CACNA2D3: variants seen among roughly 807,000 people sequenced by gnomAD.
CACNA2D3 encodes the protein voltage-dependent calcium channel subunit alpha-2/delta-3.
Under a neutral mutation model 160.6 loss-of-function variants are expected in CACNA2D3, and 60 were observed. The observed-to-expected ratio is 0.37, with a 90% CI of 0.30 to 0.46. The LOEUF (loss-of-function observed/expected upper bound fraction) is 0.46. Among genes scored for constraint, CACNA2D3 ranks in the 20% least tolerant of loss-of-function variants. The probability of loss-of-function intolerance (pLI) is 1.00; values close to 1 mark genes in which losing one functional copy is unlikely to be tolerated. For synonymous variants in CACNA2D3, 558 were observed against 492.9 expected (o/e 1.13, Z -1.75); for missense variants, 1,205 against 1,365.0 (o/e 0.88, Z 1.85).
chr3:54,326,842 A>G (rs1704130440), intron 3 of CACNA2D3, among the ~76,000 whole-genome samples: 1 of 152,196 alleles, frequency 6.6e-6, no homozygotes, highest in Non-Finnish European at 1.5e-5. Context: ...TTGAAAGAGC[A>G]GTACATTTGT....
chr3:54,663,207 A>C (rs1559542865), intron 11 of CACNA2D3, among the ~76,000 whole-genome samples: 1 of 152,150 alleles, frequency 6.6e-6, no homozygotes, highest in Non-Finnish European at 1.5e-5. Context: ...GTTTTCAATG[A>C]CTTAGTTGTA....
At position 54,227,569 on chromosome 3, in the gene CACNA2D3, C is replaced by CG. The variant is rs1319263275; in HGVS notation, c.205-92866dup. ...GTCCATGGCTTTTTTGGGGAGGGGG[C>CG]GGGGGGGCAGAGTCTCGCTCTGTCG... On this transcript the variant is annotated intron_variant, in intron 2 of 37. Coordinates refer to ENST00000474759, the MANE Select transcript of CACNA2D3 (RefSeq NM_018398.3). Among the ~76,000 whole-genome samples, 6 of 92,050 alleles carry CG rather than the reference C, an allele frequency of 6.5e-5. No individual in the cohort carries two copies. In the South Asian group the frequency reaches 1.2e-3, roughly 19 times the overall value. The allele number at this position is 92,050 out of a possible 152,430, so 60.4% of individuals were successfully genotyped here.
At chr3:54,742,661 G>A (rs1701677103) in intron 11 of CACNA2D3, among the ~76,000 whole-genome samples, 1 of 152,080 alleles carries the variant, frequency 6.6e-6, no homozygotes. Flanking sequence ...GCTTGGAATA[G>A]CAACCATCAC....
rs1347501903 is a variant in CACNA2D3, at chr3:54,311,086, C to T, written c.205-9356C>T. ...CCCTGGCCAGTAATTCTAAGCCAAG[C>T]GGGATGCTGCTATCAGGCTTCGAGT... On this transcript the variant is annotated intron_variant, in intron 2 of 37. Coordinates refer to ENST00000474759, the MANE Select transcript of CACNA2D3 (RefSeq NM_018398.3). Among the ~76,000 whole-genome samples the T allele has an allele frequency of 6.6e-5, 10 of 152,238 alleles. No individual in the cohort carries two copies. The East Asian group carries it at 1.7e-3, about 27-fold the overall frequency.
chr3:54,819,706 G>A lies in CACNA2D3; in HGVS notation c.1398+2836G>A, dbSNP rs183489738. On this transcript the variant is annotated intron_variant, in intron 14 of 37. Transcript: ENST00000474759. ...CTAAAAATACAAAAATTAGCCGGGC[G>A]TGGTGGCGCACACCTATAGTCCCAG... Among the ~76,000 whole-genome samples, 233 of 152,188 alleles carry A rather than the reference G, an allele frequency of 1.5e-3. 3 individuals are homozygous for A. Among genetic ancestry groups the A allele is most frequent in the African/African-American group, 5.2e-3 (215 of 41,526 alleles).
At chr3:54,247,539 CTTAAA>C (rs918788636) in intron 2 of CACNA2D3, among the ~76,000 whole-genome samples, 14 of 151,754 alleles carry the variant, frequency 9.2e-5, no homozygotes, top group Non-Finnish European at 1.9e-4. Flanking sequence ...CAGATAATGC[CTTAAA>C]TTAAGTAGAA....
At chr3:54,744,248 C>T (rs1403922428) in intron 11 of CACNA2D3, among the ~76,000 whole-genome samples, 1 of 152,186 alleles carries the variant, frequency 6.6e-6, no homozygotes, top group African/African-American at 2.4e-5. Flanking sequence ...TGAGCACATC[C>T]ACTAAGAGGG....
intron 32 of CACNA2D3, among the ~76,000 whole-genome samples, chr3:55,006,309 C>T (rs1015665640): frequency 6.6e-6 from 1 of 152,196 alleles, no homozygotes; most frequent in Non-Finnish European, 1.5e-5. Context: ...GTGCCTTCCC[C>T]TGGCCTCAGA....
chr3:54,736,120 C>CAT (rs111514436), intron 11 of CACNA2D3, among the ~76,000 whole-genome samples: 10,655 of 45,108 alleles, frequency 0.24, 1,886 homozygotes, highest in East Asian at 0.58. Flanking sequence ...TATATATATA[C>CAT]ATATATATAT....
intron 14 of CACNA2D3, 64 bp from the exon 15 acceptor site, chr3:54,837,095 G>T: frequency 1.5e-6 from 2 of 1,368,420 alleles, no homozygotes; most frequent in East Asian, 2.3e-5. Flanking sequence ...TTGTCAAGGG[G>T]GTGGCCTCCA....
Position 54,265,173 on chromosome 3 carries a change from A to G in CACNA2D3, c.205-55269A>G, listed in dbSNP as rs562941296. Among the ~76,000 whole-genome samples the G allele has an allele frequency of 7.9e-5, 12 of 152,316 alleles. No individual in the cohort carries two copies. The South Asian group carries it at 2.3e-3, about 29-fold the overall frequency. ...AGGAATCACCACACTGTCTTCCACA[A>G]TGGTTGAACTAATTTACACTCCCAC... On this transcript the variant is annotated intron_variant, in intron 2 of 37. Coordinates refer to ENST00000474759, the MANE Select transcript of CACNA2D3 (RefSeq NM_018398.3).
intron 11 of CACNA2D3, among the ~76,000 whole-genome samples, chr3:54,707,310 T>A (rs1235718904): frequency 2.0e-5 from 3 of 152,236 alleles, no homozygotes; most frequent in African/African-American, 4.8e-5. Context: ...AAGTTTGTTA[T>A]GTTTCCCACA....
At chr3:54,338,575 A>G (rs1704447910) in intron 3 of CACNA2D3, among the ~76,000 whole-genome samples, 2 of 150,950 alleles carry the variant, frequency 1.3e-5, no homozygotes, top group South Asian at 4.2e-4. Flanking sequence ...GTCTTCAGCA[A>G]TCAGTCGCTT....
intron 2 of CACNA2D3, among the ~76,000 whole-genome samples, chr3:54,191,670 G>A (rs760518579): frequency 6.6e-6 from 1 of 152,128 alleles, no homozygotes; most frequent in Admixed American, 6.5e-5. Context: ...TGGCTTTGAA[G>A]AGCTGAGCTT....
Position 54,135,324 on chromosome 3 carries a change from C to T in CACNA2D3, c.204+11730C>T, listed in dbSNP as rs374877267. Among the ~76,000 whole-genome samples the T allele has an allele frequency of 2.0e-5, 3 of 152,306 alleles. No individual in the cohort carries two copies. The South Asian group carries it at 6.2e-4, about 32-fold the overall frequency. On this transcript the variant is annotated intron_variant, in intron 2 of 37. Coordinates refer to ENST00000474759, the MANE Select transcript of CACNA2D3 (RefSeq NM_018398.3). ...TTCCTTGGGTGATCTCACTGCTGCACCCTGCATGGGGCCTGTCAGGCATCT... is the reference window on the plus strand; with the variant it reads ...TTCCTTGGGTGATCTCACTGCTGCATCCTGCATGGGGCCTGTCAGGCATCT...
intron 11 of CACNA2D3, among the ~76,000 whole-genome samples, chr3:54,692,001 C>G (rs781209103): frequency 8.0e-5 from 12 of 149,840 alleles, no homozygotes; most frequent in Non-Finnish European, 1.3e-4. Flanking sequence ...TTTTTTGAGA[C>G]AGAGTCTCAC....
intron 5 of CACNA2D3, among the ~76,000 whole-genome samples, chr3:54,517,337 A>G (rs1328470115): frequency 6.6e-6 from 1 of 152,232 alleles, no homozygotes; most frequent in Non-Finnish European, 1.5e-5. Flanking sequence ...GAGTGTAGCC[A>G]TGGCTAGTTC....
intron 13 of CACNA2D3, among the ~76,000 whole-genome samples, chr3:54,804,709 T>C (rs144296115): frequency 2.1e-3 from 321 of 152,250 alleles, no homozygotes; most frequent in African/African-American, 7.1e-3. Context: ...ACCTAATAGA[T>C]ATCTACAGAA....
rs1342070085 is a variant in CACNA2D3 at position 55,018,225 on chromosome 3, C to T, written c.2895C>T (p.Thr965=). ...MTAKAQKLKQ[T]LEPCDTEYPA... is the part of the protein sequence containing the mutation. ...CTACAGCCCAGAAATTGAAACAGAC[C>T]CTGGAGCCTTGTGATACTGAATATC... The change falls in exon 35 of 38, where the codon ACC becomes ACT. Residue 965 remains threonine (T), a synonymous_variant. Coordinates refer to ENST00000474759, the MANE Select transcript of CACNA2D3 (RefSeq NM_018398.3). 1 of 1,612,024 alleles carries T rather than the reference C, an allele frequency of 6.2e-7. No homozygotes were observed. The highest frequency in any genetic ancestry group is 8.5e-7 in the Non-Finnish European group (1 of 1,178,464).
Sources: gnomAD v4.1 joint callset for allele counts (sites outside exome capture counted in the v4.1 genomes callset) on GRCh38, gnomAD v4.1.1 for gene constraint, MANE v1.5 for transcripts, NCBI Gene and HGNC (gene_info 2026-07-23, HGNC 2026-07-21) for gene names.